The following LHCGR variants were observed in gnomAD, a reference collection of about 807,000 sequenced individuals.
The protein encoded by LHCGR is luteinizing hormone/choriogonadotropin receptor.
A neutral mutation model predicts 60.7 loss-of-function variants in LHCGR; 55 were observed. The observed-to-expected ratio is 0.91, with a 90% CI of 0.73 to 1.13. LHCGR has a LOEUF of 1.13. Ranked by LOEUF, LHCGR falls within the 50% of genes most tolerant of loss-of-function variation. The probability of loss-of-function intolerance (pLI) is 0.00; values close to 1 mark genes in which losing one functional copy is unlikely to be tolerated. For synonymous variants in LHCGR, 337 were observed against 316.5 expected (o/e 1.06, Z -0.69); for missense variants, 862 against 836.0 (o/e 1.03, Z -0.38).
intron 6 of LHCGR, among the ~76,000 whole-genome samples, chr2:48,715,539 G>T (rs375086993): frequency 6.6e-6 from 1 of 152,198 alleles, no homozygotes; most frequent in Non-Finnish European, 1.5e-5. Context: ...TGTGACTTGA[G>T]AAATGGTTCA....
At chr2:48,721,651 A>G (rs993585777) in intron 6 of LHCGR, 1 of 468,982 alleles carries the variant, frequency 2.1e-6, no homozygotes, top group African/African-American at 2.0e-5. Context: ...TATAAAAGAG[A>G]GTCCTCTGAG....
intron 3 of LHCGR, among the ~76,000 whole-genome samples, chr2:48,728,087 GTT>G (rs10533413): frequency 0.2 from 29,899 of 148,722 alleles, 4,929 homozygotes; most frequent in African/African-American, 0.44. Context: ...AACATTATGA[GTT>G]TTTTTTTTTT....
chr2:48,729,833 C>G (rs960828709), intron 2 of LHCGR, among the ~76,000 whole-genome samples: 2 of 152,164 alleles, frequency 1.3e-5, no homozygotes, highest in African/African-American at 4.8e-5. Flanking sequence ...AAACTGAGGA[C>G]AAAGAGTATA....
At chr2:48,701,123 G>A (rs961317283) in intron 8 of LHCGR, among the ~76,000 whole-genome samples, 1 of 152,112 alleles carries the variant, frequency 6.6e-6, no homozygotes, top group Non-Finnish European at 1.5e-5. Flanking sequence ...AATAGAGAGT[G>A]AGGGGCTGAG....
intron 7 of LHCGR, among the ~76,000 whole-genome samples, chr2:48,710,508 C>A (rs1667927209): frequency 6.6e-6 from 1 of 152,202 alleles, no homozygotes; most frequent in South Asian, 2.1e-4. Flanking sequence ...TATTATGCAA[C>A]TTGGTCAAAA....
In LHCGR at chr2:48,700,332, A is replaced by G. The variant is rs929682230; in HGVS notation, c.681-1532T>C. On this transcript the variant is annotated intron_variant, in intron 8 of 10. Coordinates refer to ENST00000294954, the MANE Select transcript of LHCGR (RefSeq NM_000233.4). Reference sequence around the variant, plus strand: ...GGGTTTTCAGTCTTAGTAACAGACTAGTGGGAGAAATGCTTTTTGAGTAAG... The same window carrying G: ...GGGTTTTCAGTCTTAGTAACAGACTGGTGGGAGAAATGCTTTTTGAGTAAG... Among the ~76,000 whole-genome samples the G allele has an allele frequency of 3.9e-5, 6 of 152,282 alleles. No individual in the cohort carries two copies. In the East Asian group the frequency reaches 5.8e-4, roughly 15 times the overall value.
chr2:48,745,972 T>G lies in LHCGR; in HGVS notation c.161+9539A>C, dbSNP rs1057141415. On this transcript the variant is annotated intron_variant, in intron 1 of 10. Coordinates refer to ENST00000294954, the MANE Select transcript of LHCGR (RefSeq NM_000233.4). ...TGCTTTCTCTCTTGAAGTCCCATAG[T>G]GTGGTAGTTAAGAGCGCACACTCTG... Among the ~76,000 whole-genome samples the G allele has an allele frequency of 2.0e-5, 3 of 152,234 alleles. No individual in the cohort carries two copies. The East Asian group carries it at 5.8e-4, about 29-fold the overall frequency.
At position 48,709,621 on chromosome 2, in the gene LHCGR, C is replaced by T. The variant is rs76690216; in HGVS notation, c.606-599G>A. On this transcript the variant is annotated intron_variant, in intron 7 of 10. Transcript: ENST00000294954. ...CATGGGGCTGTGCAGTGTAAATGAT[C>T]ATCGCCAGGTGTATGTGTGTGTCAT... is the stretch of plus-strand genomic sequence containing the variant. Among the ~76,000 whole-genome samples the T allele has an allele frequency of 9.0e-3, 1,363 of 152,286 alleles. 25 individuals are homozygous for T. Among genetic ancestry groups the T allele is most frequent in the African/African-American group, 0.032 (1,316 of 41,548 alleles).
chr2:48,698,515 T>C (rs2104391486), intron 9 of LHCGR, 100 bp downstream of exon 9: 3 of 911,980 alleles, frequency 3.3e-6, no homozygotes, highest in South Asian at 2.7e-5. Context: ...GCCAAGAAGG[T>C]AGGGAGTGAA....
intron 10 of LHCGR, among the ~76,000 whole-genome samples, chr2:48,689,138 T>G (rs1189992647): frequency 4.0e-5 from 6 of 151,078 alleles, no homozygotes; most frequent in Non-Finnish European, 8.8e-5. Flanking sequence ...TATATACATA[T>G]GTACACACAT....
intron 8 of LHCGR, among the ~76,000 whole-genome samples, chr2:48,701,121 G>A (rs1365451899): frequency 1.3e-5 from 2 of 152,038 alleles, no homozygotes; most frequent in Admixed American, 1.3e-4. Flanking sequence ...GAAATAGAGA[G>A]TGAGGGGCTG....
rs576617903 is a variant in LHCGR at position 48,705,408 on chromosome 2, T to G, written c.680+3540A>C. On this transcript the variant is annotated intron_variant, in intron 8 of 10. Coordinates refer to ENST00000294954, the MANE Select transcript of LHCGR (RefSeq NM_000233.4). ...AGTTCTGTAGATGTCTATTAGGTCT[T>G]CTTGGTCCATAGCTGAGTTCAAGTC... 1.9e-3 allele frequency among the ~76,000 whole-genome samples: 289 copies of G among 152,260 alleles called. 1 individual carries two copies. Among genetic ancestry groups the G allele is most frequent in the African/African-American group, 6.4e-3 (268 of 41,562 alleles).
At chr2:48,750,218 G>A (rs1197306518) in intron 1 of LHCGR, among the ~76,000 whole-genome samples, 2 of 152,148 alleles carry the variant, frequency 1.3e-5, no homozygotes, top group African/African-American at 2.4e-5. Flanking sequence ...CTTTCTGTCT[G>A]TGGATTCTTT....
chr2:48,732,746 T>A, intron 1 of LHCGR: 1 of 443,264 alleles, frequency 2.3e-6, no homozygotes, highest in South Asian at 1.8e-5. Context: ...CTATTTCTTC[T>A]GCAAAGCGGT....
chr2:48,709,387 C>T (rs1667866603), intron 7 of LHCGR, among the ~76,000 whole-genome samples: 1 of 152,186 alleles, frequency 6.6e-6, no homozygotes, highest in African/African-American at 2.4e-5. Context: ...GAAGTGCAGC[C>T]TACTCTTTGT....
intron 8 of LHCGR, among the ~76,000 whole-genome samples, chr2:48,699,495 A>G (rs1345368994): frequency 6.6e-6 from 1 of 152,066 alleles, no homozygotes; most frequent in Non-Finnish European, 1.5e-5. Flanking sequence ...CAGTTACATC[A>G]GCTTTTGTGC....
intron 8 of LHCGR, among the ~76,000 whole-genome samples, chr2:48,705,129 G>A (rs1667600701): frequency 6.6e-6 from 1 of 152,090 alleles, no homozygotes; most frequent in African/African-American, 2.4e-5. Flanking sequence ...TTTTATTTTT[G>A]CCTTCATTTC....
At chr2:48,735,742 C>T (rs368411609) in intron 1 of LHCGR, among the ~76,000 whole-genome samples, 36 of 152,302 alleles carry the variant, frequency 2.4e-4, no homozygotes, top group African/African-American at 7.0e-4. Flanking sequence ...GCACCAATTT[C>T]GCCAACTGCT....
Position 48,688,852 on chromosome 2 carries a change from G to C in LHCGR, c.948-3C>G, listed in dbSNP as rs1029490793. Reference sequence around the variant, plus strand: ...TCTCAGCAAGCATGGAAGAATAACTGTAAGAAGAATTATTGGCTTGAGGTA... The same window carrying C: ...TCTCAGCAAGCATGGAAGAATAACTCTAAGAAGAATTATTGGCTTGAGGTA... On this transcript the variant is annotated splice_region_variant and splice_polypyrimidine_tract_variant and intron_variant, in intron 10 of 10. Coordinates refer to ENST00000294954, the MANE Select transcript of LHCGR (RefSeq NM_000233.4). The surrounding 1 kb of genome is among the most constrained non-coding windows in gnomAD (Gnocchi z 5.2). The C allele has an allele frequency of 6.2e-7, 1 of 1,613,496 alleles. No homozygotes were observed. The highest frequency in any genetic ancestry group is 1.3e-5 in the African/African-American group (1 of 74,888).
Sources: gnomAD v4.1 joint callset for allele counts (sites outside exome capture counted in the v4.1 genomes callset) on GRCh38, gnomAD v4.1.1 for gene constraint, Gnocchi (gnomAD v3.1) non-coding constraint, MANE v1.5 for transcripts, NCBI Gene and HGNC (gene_info 2026-07-23, HGNC 2026-07-21) for gene names.